LRRN3: variants seen among roughly 807,000 people sequenced by gnomAD.
LRRN3 encodes leucine rich repeat neuronal 3.
LRRN3 carries 15 observed loss-of-function variants against 40.1 expected under a neutral mutation model. The observed-to-expected ratio is 0.37, with a 90% CI of 0.25 to 0.58. The LOEUF (loss-of-function observed/expected upper bound fraction) is 0.58, where lower values mean the gene tolerates loss of function less well. Among genes scored for constraint, LRRN3 ranks in the 20% least tolerant of loss-of-function variants. The pLI is 0.72. For missense variants in LRRN3, 746 were observed against 837.7 expected, an observed-to-expected ratio of 0.89 and a Z score of 1.35; for synonymous variants, 308 against 297.2, an observed-to-expected ratio of 1.04 and a Z score of -0.37.
chr7:111,103,463 T>C (rs1798199583), intron 2 of LRRN3, among the ~76,000 whole-genome samples: 1 of 151,668 alleles, frequency 6.6e-6, no homozygotes, highest in Non-Finnish European at 1.5e-5. Context: ...ATAACTAACA[T>C]GGTAAATAGC....
intron 2 of LRRN3, among the ~76,000 whole-genome samples, chr7:111,110,640 T>C (rs908086983): frequency 2.0e-5 from 3 of 152,162 alleles, no homozygotes; most frequent in East Asian, 1.9e-4. Context: ...CATATAAGTA[T>C]AGAATACAAA....
chr7:111,098,071 T>A (rs1253683679), intron 1 of LRRN3, among the ~76,000 whole-genome samples: 3 of 151,784 alleles, frequency 2.0e-5, no homozygotes, highest in Non-Finnish European at 4.4e-5. Flanking sequence ...ATATGAAAGA[T>A]AAACATACTC....
chr7:111,105,574 T>C (rs181480002), intron 2 of LRRN3, among the ~76,000 whole-genome samples: 10 of 151,976 alleles, frequency 6.6e-5, no homozygotes, highest in Non-Finnish European at 1.5e-4. Flanking sequence ...TTTAGCTGGC[T>C]GGGGGGAAAA....
intron 2 of LRRN3, among the ~76,000 whole-genome samples, chr7:111,109,428 T>C (rs773985679): frequency 5.3e-5 from 8 of 152,196 alleles, no homozygotes; most frequent in Non-Finnish European, 1.2e-4. Context: ...CACACAAGTA[T>C]AGGCTTACTC....
chr7:111,124,283 C>A lies in LRRN3; in HGVS notation c.1511C>A (p.Ala504Asp). The A allele has an allele frequency of 6.2e-7, 1 of 1,613,924 alleles. No individual in the cohort carries two copies. Among genetic ancestry groups the A allele is most frequent in the Non-Finnish European group, 8.5e-7 (1 of 1,179,954 alleles). The change falls in exon 3 of 3, where the codon GCT becomes GAT. Residue 504 changes from alanine to aspartate, a missense_variant. Coordinates refer to ENST00000308478, the MANE Select transcript of LRRN3 (RefSeq NM_001099658.2). ...TGTATAGCAACTAACCTAGTTGGCG[C>A]TGACTTGAAGTCTGTTATGATCAAA... ...YTCIATNLVG[A>D]DLKSVMIKVD... is the part of the protein sequence containing the mutation.
intron 1 of LRRN3, among the ~76,000 whole-genome samples, chr7:111,094,210 T>A (rs1563234974): frequency 6.6e-6 from 1 of 152,126 alleles, no homozygotes; most frequent in Non-Finnish European, 1.5e-5. Context: ...ACAATCTAAG[T>A]TGATCAGAAA....
chr7:111,098,186 G>C (rs1396658755), intron 1 of LRRN3, among the ~76,000 whole-genome samples: 1 of 151,784 alleles, frequency 6.6e-6, no homozygotes, highest in Non-Finnish European at 1.5e-5. Context: ...AATTTGTTGT[G>C]TGACTAGCTG....
chr7:111,094,293 T>C (rs919202100), intron 1 of LRRN3, among the ~76,000 whole-genome samples: 5 of 152,098 alleles, frequency 3.3e-5, no homozygotes, highest in Non-Finnish European at 5.9e-5. Flanking sequence ...TAGCAGCCCC[T>C]GAAAATGGGC....
At chr7:111,091,715 T>C (rs978718745) in intron 1 of LRRN3, among the ~76,000 whole-genome samples, 1 of 152,012 alleles carries the variant, frequency 6.6e-6, no homozygotes, top group Non-Finnish European at 1.5e-5. Flanking sequence ...TTCTCCAACA[T>C]GCATTTTACT....
chr7:111,113,527 TTTTTC>T (rs1799491081), intron 2 of LRRN3, among the ~76,000 whole-genome samples: 1 of 152,160 alleles, frequency 6.6e-6, no homozygotes, highest in Non-Finnish European at 1.5e-5. Context: ...TTCATTTATT[TTTTTC>T]TTTTAACTAT....
In LRRN3 at chr7:111,122,976, A is replaced by C; in HGVS notation, c.204A>C (p.Pro68=). The change falls in exon 3 of 3, where the codon CCA becomes CCC. Residue 68 remains proline, a synonymous_variant. Coordinates refer to ENST00000308478, the MANE Select transcript of LRRN3 (RefSeq NM_001099658.2). ...LGLLTFPARL[P]ANTQILLLQT... ...TTTTAACTTTCCCAGCCAGATTGCC[A>C]GCTAACACACAGATTCTTCTCCTAC... is the stretch of plus-strand genomic sequence containing the variant. 6.2e-7 allele frequency: 1 copy of C among 1,614,088 alleles called. No individual in the cohort carries two copies. Among genetic ancestry groups the C allele is most frequent in the South Asian group, 1.1e-5 (1 of 91,084 alleles).
Position 111,123,121 on chromosome 7 carries a change from C to G in LRRN3, c.349C>G (p.Gln117Glu), listed in dbSNP as rs939340462. 5.6e-6 allele frequency: 9 copies of G among 1,613,604 alleles called. No homozygotes were observed. Among genetic ancestry groups the G allele is most frequent in the Non-Finnish European group, 7.6e-6 (9 of 1,179,844 alleles). The change falls in exon 3 of 3, where the codon CAG becomes GAG. Residue 117 changes from glutamine (Q) to glutamate (E), a missense_variant. Gln to Glu is a conservative substitution (Grantham distance 29). Coordinates refer to ENST00000308478, the MANE Select transcript of LRRN3 (RefSeq NM_001099658.2). The surrounding 1 kb of genome is among the most constrained non-coding windows in gnomAD (Gnocchi z 6.4). Reference protein sequence around the residue: ...VTNINVKKMPQLLSVYLEENK... With the variant: ...VTNINVKKMPELLSVYLEENK... ...CAATATTAATGTAAAAAAGATGCCT[C>G]AGCTCCTTTCTGTGTACCTAGAGGA...
At chr7:111,094,360 T>A (rs214891) in intron 1 of LRRN3, among the ~76,000 whole-genome samples, 1 of 152,026 alleles carries the variant, frequency 6.6e-6, no homozygotes, top group African/African-American at 2.4e-5. Flanking sequence ...AAGCTAATAG[T>A]AGACTAAAAA....
intron 2 of LRRN3, among the ~76,000 whole-genome samples, chr7:111,115,604 C>T (rs1397694345): frequency 1.3e-5 from 2 of 151,974 alleles, no homozygotes; most frequent in Non-Finnish European, 2.9e-5. Flanking sequence ...CTAGATTCCA[C>T]AAATTGGACG....
intron 2 of LRRN3, among the ~76,000 whole-genome samples, chr7:111,108,986 A>G (rs1301059995): frequency 6.6e-6 from 1 of 152,218 alleles, no homozygotes. Flanking sequence ...AATAAAGCTA[A>G]CATTCTAGTG....
chr7:111,113,491 A>G (rs147785483), intron 2 of LRRN3, among the ~76,000 whole-genome samples: 2 of 152,250 alleles, frequency 1.3e-5, no homozygotes, highest in African/African-American at 2.4e-5. Context: ...GTGCCTGTTC[A>G]TAAAATCAAC....
At chr7:111,094,684 A>G (rs1488608508) in intron 1 of LRRN3, among the ~76,000 whole-genome samples, 1 of 152,164 alleles carries the variant, frequency 6.6e-6, no homozygotes, top group Non-Finnish European at 1.5e-5. Flanking sequence ...TCCTGCACAG[A>G]GCTCAGGGAA....
chr7:111,091,545 T>A (rs1364307820), intron 1 of LRRN3, 41 bp downstream of exon 1: 2 of 152,208 alleles, frequency 1.3e-5, no homozygotes, highest in Non-Finnish European at 2.9e-5. Flanking sequence ...TACGTTCTAT[T>A]TCTTGTCTCT....
At chr7:111,100,719 A>G (rs1342726549) in intron 2 of LRRN3, among the ~76,000 whole-genome samples, 1 of 151,272 alleles carries the variant, frequency 6.6e-6, no homozygotes, top group African/African-American at 2.4e-5. Context: ...TGTTTTTGTA[A>G]TTTTAGAAGT....
Sources: gnomAD v4.1 joint callset for allele counts (sites outside exome capture counted in the v4.1 genomes callset) on GRCh38, gnomAD v4.1.1 for gene constraint, Gnocchi (gnomAD v3.1) non-coding constraint, MANE v1.5 for transcripts, NCBI Gene and HGNC (gene_info 2026-07-23, HGNC 2026-07-21) for gene names.